PROX2: variants seen among roughly 807,000 people sequenced by gnomAD.
PROX2 encodes the protein prospero homeobox 2, also known as prospero homeobox protein 2.
A neutral mutation model predicts 48.9 loss-of-function variants in PROX2; 46 were observed. The observed-to-expected ratio is 0.94, with a 90% CI of 0.74 to 1.20. The LOEUF (loss-of-function observed/expected upper bound fraction) is 1.20. Among genes scored for constraint, PROX2 ranks in the 50% most tolerant of loss-of-function variants. The pLI, the probability that PROX2 is intolerant of heterozygous loss-of-function variation, is 0.00. For synonymous variants in PROX2, 260 were observed against 276.6 expected, an observed-to-expected ratio of 0.94 and a Z score of 0.60; for missense variants, 663 against 719.4, an observed-to-expected ratio of 0.92 and a Z score of 0.90.
rs760145014 is a variant in PROX2 at position 74,862,517 on chromosome 14, T to A, written c.1305+13A>T. On this transcript the variant is annotated intron_variant, in intron 3 of 5. Coordinates refer to ENST00000556489, the MANE Select transcript of PROX2 (RefSeq NM_001243007.2). ...GGCCAACAATGAGAACTTCAATTGC[T>A]ATTAAAGGATATGTGGACCAAAGAG... 6.2e-7 allele frequency: 1 copy of A among 1,605,094 alleles called. No homozygotes were observed. Among genetic ancestry groups the A allele is most frequent in the Non-Finnish European group, 8.5e-7 (1 of 1,176,252 alleles).
chr14:74,858,370 G>T, intron 4 of PROX2, 37 bp downstream of exon 4: 1 of 1,316,206 alleles, frequency 7.6e-7, no homozygotes. Context: ...CCTCTTGGGA[G>T]TTCTGCAGAA....
Position 74,855,193 on chromosome 14 carries a change from A to G in PROX2, c.1718T>C (p.Ile573Thr). 1.3e-6 allele frequency: 2 copies of G among 1,594,000 alleles called. No individual in the cohort carries two copies. Among genetic ancestry groups the G allele is most frequent in the Non-Finnish European group, 1.7e-6 (2 of 1,167,202 alleles). The change falls in exon 6 of 6, where the codon ATT becomes ACT. Residue 573 changes from isoleucine (I) to threonine (T), a missense_variant. By Grantham distance (89) the Ile-to-Thr change is moderately conservative. Coordinates refer to ENST00000556489, the MANE Select transcript of PROX2 (RefSeq NM_001243007.2). ...DPSWKKPIYK[I>T]ISKLDSDIPE... ...GATGTCACTGTCCAGTTTCGAAATA[A>G]TTTTATAAATGGGTTTCTTCCAGGA...
intron 2 of PROX2, among the ~76,000 whole-genome samples, chr14:74,868,319 ATATATATATATATATATAT>A (rs1883119688): frequency 3.3e-5 from 1 of 30,308 alleles, no homozygotes; most frequent in African/African-American, 2.2e-4. Flanking sequence ...GTAATTATAT[ATATATATATATATATATAT>A]ATATATATAT....
Position 74,853,126 on chromosome 14 carries a change from T to C in PROX2, c.*2006A>G, listed in dbSNP as rs2091717049. ...ACTGCAGTACACAAATGTTTTCAAT[T>C]TGAGCTTGTACATTTCATCTCATTG... On this transcript the variant is annotated 3_prime_UTR_variant, in exon 6 of 6. Coordinates refer to ENST00000556489, the MANE Select transcript of PROX2 (RefSeq NM_001243007.2). The C allele has an allele frequency of 6.6e-6, 1 of 152,224 alleles. No homozygotes were observed. The highest frequency in any genetic ancestry group is 1.9e-4 in the East Asian group (1 of 5,202). 9.4% of individuals were successfully genotyped at this position (152,224 alleles called of 1,614,324 possible). A position where few individuals can be genotyped will look rare whatever the true frequency, so the allele number is the denominator to read the frequency against.
chr14:74,872,663 G>T (rs1459723456), intron 1 of PROX2, among the ~76,000 whole-genome samples: 3 of 152,204 alleles, frequency 2.0e-5, no homozygotes, highest in Non-Finnish European at 4.4e-5. Flanking sequence ...GCGTTTTTAT[G>T]CTTTTCAAAG....
At position 74,858,527 on chromosome 14, in the gene PROX2, C is replaced by A; in HGVS notation, c.1306-13G>T. The A allele has an allele frequency of 7.0e-7, 1 of 1,428,952 alleles. No homozygotes were observed. The highest frequency in any genetic ancestry group is 1.2e-5 in the South Asian group (1 of 80,608). The allele number at this position is 1,428,952 out of a possible 1,614,324, so 88.5% of individuals were successfully genotyped here. On this transcript the variant is annotated splice_polypyrimidine_tract_variant and intron_variant, in intron 3 of 5. Coordinates refer to ENST00000556489, the MANE Select transcript of PROX2 (RefSeq NM_001243007.2). ...GACCCTCCTGGATTTATCTCAGTGTCAAGGAAAATGAACACTTTAAAATGC... is the reference window on the plus strand; with the variant it reads ...GACCCTCCTGGATTTATCTCAGTGTAAAGGAAAATGAACACTTTAAAATGC...
chr14:74,868,762 A>G (rs896529442), intron 2 of PROX2, among the ~76,000 whole-genome samples: 6 of 151,590 alleles, frequency 4.0e-5, no homozygotes, highest in Non-Finnish European at 7.4e-5. Context: ...GCGTGAACCC[A>G]GGGGGGCGGA....
chr14:74,873,142 C>T (rs537188008), intron 1 of PROX2, among the ~76,000 whole-genome samples: 2 of 152,260 alleles, frequency 1.3e-5, no homozygotes, highest in Admixed American at 6.5e-5. Context: ...TGCCACCATG[C>T]CCAGCTAATT....
In PROX2 at chr14:74,853,591, A is replaced by C. The variant is rs894033932; in HGVS notation, c.*1541T>G. ...CATCTTTCATACTTTTTATGCTGATAGTTCTAGTAATAGTTTAGGGATTTT... is the reference window on the plus strand; with the variant it reads ...CATCTTTCATACTTTTTATGCTGATCGTTCTAGTAATAGTTTAGGGATTTT... On this transcript the variant is annotated 3_prime_UTR_variant, in exon 6 of 6. Coordinates refer to ENST00000556489, the MANE Select transcript of PROX2 (RefSeq NM_001243007.2). The C allele has an allele frequency of 1.1e-4, 16 of 152,212 alleles. No individual in the cohort carries two copies. Among genetic ancestry groups the C allele is most frequent in the African/African-American group, 3.9e-4 (16 of 41,452 alleles). The allele number at this position is 152,212 out of a possible 1,614,324, so 9.4% of individuals were successfully genotyped here.
rs1324824631 is a variant in PROX2 at position 74,853,109 on chromosome 14, A to G, written c.*2023T>C. On this transcript the variant is annotated 3_prime_UTR_variant, in exon 6 of 6. Coordinates refer to ENST00000556489, the MANE Select transcript of PROX2 (RefSeq NM_001243007.2). ...GAACACTTCCTGGAAAGACTGCAGT[A>G]CACAAATGTTTTCAATTTGAGCTTG... 1.3e-5 allele frequency: 2 copies of G among 152,222 alleles called. No homozygotes were observed. The highest frequency in any genetic ancestry group is 2.9e-5 in the Non-Finnish European group (2 of 68,050). 9.4% of individuals were successfully genotyped at this position (152,222 alleles called of 1,614,324 possible).
In PROX2 at chr14:74,854,756, G is replaced by A. The variant is rs1340759778; in HGVS notation, c.*376C>T. 1.9e-5 allele frequency: 3 copies of A among 160,582 alleles called. No homozygotes were observed. Among genetic ancestry groups the A allele is most frequent in the Non-Finnish European group, 4.1e-5 (3 of 73,938 alleles). The allele number at this position is 160,582 out of a possible 1,614,324, so 9.9% of individuals were successfully genotyped here. A position where few individuals can be genotyped will look rare whatever the true frequency, so the allele number is the denominator to read the frequency against. The stretch of plus-strand genomic sequence containing the variant: ...GGGCTCAAAAAACTGACATTTGTGT[G>A]TGAATGACATTGCATAGGACATACT... On this transcript the variant is annotated 3_prime_UTR_variant, in exon 6 of 6. Transcript: ENST00000556489.
rs17102763 is a variant in PROX2, at chr14:74,854,705, A to G, written c.*427T>C. ...AAAAACAGCAATTTGTAAAAACCCC[A>G]AATAAGATAACCTTATCTGAAAGAG... On this transcript the variant is annotated 3_prime_UTR_variant, in exon 6 of 6. Coordinates refer to ENST00000556489, the MANE Select transcript of PROX2 (RefSeq NM_001243007.2). 15,186 of 154,666 alleles carry G rather than the reference A, an allele frequency of 0.098. 1,062 individuals carry two copies. The highest frequency in any genetic ancestry group is 0.2 in the African/African-American group (8,357 of 41,574). 9.6% of individuals were successfully genotyped at this position (154,666 alleles called of 1,614,324 possible).
intron 5 of PROX2, chr14:74,856,151 C>G (rs1222248261): frequency 2.6e-5 from 4 of 152,244 alleles, no homozygotes; most frequent in Admixed American, 2.6e-4. Context: ...GAATCAGATG[C>G]CAGCCTAACA....
Position 74,871,131 on chromosome 14 carries a change from G to A in PROX2, c.-203C>T, listed in dbSNP as rs992983110. Reference sequence around the variant, plus strand: ...TAGTCTCAGCTACTCAGGAAGCTGAGGTGGGAAGACTGCTTGAGCCCAGGA... The same window carrying A: ...TAGTCTCAGCTACTCAGGAAGCTGAAGTGGGAAGACTGCTTGAGCCCAGGA... On this transcript the variant is annotated 5_prime_UTR_variant, in exon 2 of 6. Coordinates refer to ENST00000556489, the MANE Select transcript of PROX2 (RefSeq NM_001243007.2). The A allele has an allele frequency of 8.6e-4, 131 of 152,100 alleles. No homozygotes were observed. The highest frequency in any genetic ancestry group is 3.0e-3 in the African/African-American group (126 of 41,388). 9.4% of individuals were successfully genotyped at this position (152,100 alleles called of 1,614,324 possible).
At chr14:74,864,385 A>T (rs1237860130) in intron 2 of PROX2, among the ~76,000 whole-genome samples, 1 of 152,224 alleles carries the variant, frequency 6.6e-6, no homozygotes, top group Non-Finnish European at 1.5e-5. Context: ...GAATGTGGTC[A>T]TGCCTATTGT....
Position 74,858,464 on chromosome 14 carries a change from A to G in PROX2, c.1356T>C (p.Phe452=). ...PGHLKKAKLM[F]FFTRYPSSNL... is the part of the protein sequence containing the mutation. ...TGGAGCTGGGATATCGTGTGAAGAAAAACATTAGTTTGGCCTTCTTCAAGT... is the reference window on the plus strand; with the variant it reads ...TGGAGCTGGGATATCGTGTGAAGAAGAACATTAGTTTGGCCTTCTTCAAGT... Residue 452 remains phenylalanine, a synonymous_variant, in exon 4 of 6, where the codon TTT becomes TTC. Coordinates refer to ENST00000556489, the MANE Select transcript of PROX2 (RefSeq NM_001243007.2). The G allele has an allele frequency of 6.3e-7, 1 of 1,587,634 alleles. No individual in the cohort carries two copies.
chr14:74,855,806 G>C (rs535657344), intron 5 of PROX2: 1 of 152,472 alleles, frequency 6.6e-6, no homozygotes, highest in East Asian at 1.9e-4. Context: ...CACCATGAAT[G>C]ATGGGTTGCC....
At chr14:74,855,624 A>G (rs10483863) in intron 5 of PROX2, 119,953 of 213,920 alleles carry the variant, frequency 0.56, 34,559 homozygotes, top group African/African-American at 0.72. Flanking sequence ...CTGTGGCTCA[A>G]AGAGACTTCG....
At chr14:74,874,050 T>C (rs1883279646) in intron 1 of PROX2, 1 of 523,104 alleles carries the variant, frequency 1.9e-6, no homozygotes, top group African/African-American at 1.9e-5. Context: ...TTTGATACAG[T>C]AATTATGAAT....
Sources: allele counts gnomAD v4.1 joint callset (sites outside exome capture counted in the v4.1 genomes callset), GRCh38; gene constraint gnomAD v4.1.1; transcripts MANE v1.5; gene names NCBI Gene and HGNC (gene_info 2026-07-23, HGNC 2026-07-21).